Variants in CARF observed in about 807,000 individuals in gnomAD.
CARF encodes calcium responsive transcription factor.
Under a neutral mutation model 82.0 loss-of-function variants are expected in CARF, and 57 were observed. The observed-to-expected ratio is 0.70, with a 90% CI of 0.56 to 0.87. The LOEUF (loss-of-function observed/expected upper bound fraction) is 0.87. CARF is among the 40% of genes least tolerant of loss of function. CARF has a pLI of 0.00. For missense variants in CARF, 771 were observed against 855.8 expected, an observed-to-expected ratio of 0.90 and a Z score of 1.24; for synonymous variants, 268 against 290.1, an observed-to-expected ratio of 0.92 and a Z score of 0.77.
intron 2 of CARF, among the ~76,000 whole-genome samples, chr2:202,922,088 C>T (rs76631649): frequency 6.6e-6 from 1 of 151,846 alleles, no homozygotes; most frequent in Non-Finnish European, 1.5e-5. Flanking sequence ...CTTGACTTCC[C>T]AAAGTGCTAA....
chr2:202,942,596 T>C, intron 4 of CARF, 144 bp from the exon 5 acceptor site: 1 of 1,002,564 alleles, frequency 1.0e-6, no homozygotes, highest in Non-Finnish European at 1.4e-6. Flanking sequence ...AGAAATACTT[T>C]CTGTGTATAG....
chr2:202,968,353 G>A (rs1333714736), intron 10 of CARF, among the ~76,000 whole-genome samples: 1 of 152,112 alleles, frequency 6.6e-6, no homozygotes, highest in African/African-American at 2.4e-5. Flanking sequence ...AGTGAGCCGA[G>A]ACTGCGCCAC....
intron 7 of CARF, among the ~76,000 whole-genome samples, chr2:202,954,457 G>A (rs966010345): frequency 3.3e-5 from 5 of 152,102 alleles, no homozygotes; most frequent in African/African-American, 1.2e-4. Context: ...GCTCACTCCT[G>A]TAATCCCAGC....
At chr2:202,943,207 G>C (rs1297905654) in intron 5 of CARF, among the ~76,000 whole-genome samples, 1 of 152,092 alleles carries the variant, frequency 6.6e-6, no homozygotes, top group Admixed American at 6.6e-5. Context: ...AAGTAGCTGG[G>C]ATTACAGGTG....
chr2:202,958,061 A>G (rs2059132785), intron 8 of CARF, among the ~76,000 whole-genome samples: 1 of 152,222 alleles, frequency 6.6e-6, no homozygotes, highest in South Asian at 2.1e-4. Flanking sequence ...CATAGATGGT[A>G]GTGAATATTT....
chr2:202,969,694 A>C (rs1197966193), intron 10 of CARF, among the ~76,000 whole-genome samples: 1 of 152,116 alleles, frequency 6.6e-6, no homozygotes. Context: ...AAAAATAGTA[A>C]AATCTGTAAG....
At chr2:202,976,796 G>A (rs1200989583) in intron 13 of CARF, among the ~76,000 whole-genome samples, 1 of 143,850 alleles carries the variant, frequency 7.0e-6, no homozygotes, top group Non-Finnish European at 1.5e-5. Context: ...CTGCAGCCAC[G>A]ACCTCCAAGA....
intron 4 of CARF, 24 bp downstream of exon 4, chr2:202,942,004 T>G: frequency 6.3e-7 from 1 of 1,585,934 alleles, no homozygotes. Flanking sequence ...TGGGAACCTT[T>G]TTCCATCCTA....
Position 202,985,568 on chromosome 2 carries a change from G to T in CARF, c.*1944G>T, listed in dbSNP as rs1471401317. 3.3e-5 allele frequency: 5 copies of T among 152,096 alleles called. No individual in the cohort carries two copies. The highest frequency in any genetic ancestry group is 1.2e-4 in the African/African-American group (5 of 41,420). 9.4% of individuals were successfully genotyped at this position (152,096 alleles called of 1,614,324 possible). Reference sequence around the variant, plus strand: ...GCCAAATTTAATTATGTTACACTAAGTTAAACACAGCACTTAATTACCTCA... The same window carrying T: ...GCCAAATTTAATTATGTTACACTAATTTAAACACAGCACTTAATTACCTCA... On this transcript the variant is annotated 3_prime_UTR_variant, in exon 17 of 17. Coordinates refer to ENST00000438828, the MANE Select transcript of CARF (RefSeq NM_024744.17).
intron 12 of CARF, among the ~76,000 whole-genome samples, chr2:202,973,040 A>G (rs2059869778): frequency 6.6e-6 from 1 of 152,170 alleles, no homozygotes; most frequent in African/African-American, 2.4e-5. Context: ...ATGGGATTGC[A>G]GAAGCAAGCC....
Position 202,984,254 on chromosome 2 carries a change from C to T in CARF, c.*630C>T, listed in dbSNP as rs1387624010. 1.3e-5 allele frequency: 2 copies of T among 152,172 alleles called. No homozygotes were observed. Among genetic ancestry groups the T allele is most frequent in the Admixed American group, 6.6e-5 (1 of 15,264 alleles). The allele number at this position is 152,172 out of a possible 1,614,324, so 9.4% of individuals were successfully genotyped here. A position where few individuals can be genotyped will look rare whatever the true frequency, so the allele number is the denominator to read the frequency against. On this transcript the variant is annotated 3_prime_UTR_variant, in exon 17 of 17. Coordinates refer to ENST00000438828, the MANE Select transcript of CARF (RefSeq NM_024744.17). ...CAATTTTTGTACTTTTAACTACAAA[C>T]CAGTAGTATACTAATGGTTATCTAA...
At chr2:202,973,624 G>A (rs1410228170) in intron 12 of CARF, 2 of 313,406 alleles carry the variant, frequency 6.4e-6, no homozygotes, top group African/African-American at 2.2e-5. Context: ...CACTTCTACA[G>A]TCCTTAGTTC....
chr2:202,934,311 G>A (rs1467618874), intron 3 of CARF, among the ~76,000 whole-genome samples: 1 of 152,156 alleles, frequency 6.6e-6, no homozygotes, highest in Non-Finnish European at 1.5e-5. Flanking sequence ...TGTTTGGAAT[G>A]AATTTTAAAT....
chr2:202,946,397 G>A (rs1029582224), intron 5 of CARF, among the ~76,000 whole-genome samples: 1 of 152,204 alleles, frequency 6.6e-6, no homozygotes, highest in African/African-American at 2.4e-5. Flanking sequence ...AAGAAATGGG[G>A]AAAGGATTCT....
intron 3 of CARF, among the ~76,000 whole-genome samples, chr2:202,927,154 T>C (rs142176058): frequency 1.3e-5 from 2 of 152,258 alleles, no homozygotes; most frequent in Non-Finnish European, 2.9e-5. Context: ...TGGAGGCCTG[T>C]CCTTCCCTTT....
chr2:202,950,274 A>G (rs2105837561), intron 5 of CARF, among the ~76,000 whole-genome samples: 1 of 152,290 alleles, frequency 6.6e-6, no homozygotes, highest in East Asian at 1.9e-4. Flanking sequence ...AATTAAGAGG[A>G]TATTCCACAG....
chr2:202,977,198 C>A, intron 13 of CARF, 71 bp from the exon 14 acceptor site: 2 of 1,095,944 alleles, frequency 1.8e-6, no homozygotes, highest in South Asian at 1.4e-5. Context: ...ATATGACAGT[C>A]GTAATGACGT....
chr2:202,926,266 T>C (rs1691805968), intron 3 of CARF, among the ~76,000 whole-genome samples: 1 of 152,178 alleles, frequency 6.6e-6, no homozygotes, highest in South Asian at 2.1e-4. Flanking sequence ...CGACCGCCTC[T>C]TTTTCATGCT....
chr2:202,960,656 G>C (rs2059269693), intron 8 of CARF, among the ~76,000 whole-genome samples: 1 of 151,996 alleles, frequency 6.6e-6, no homozygotes, highest in Non-Finnish European at 1.5e-5. Flanking sequence ...CAGATGCATG[G>C]CATCCTATCA....
Sources: allele counts gnomAD v4.1 joint callset (sites outside exome capture counted in the v4.1 genomes callset), GRCh38; gene constraint gnomAD v4.1.1; transcripts MANE v1.5; gene names NCBI Gene and HGNC (gene_info 2026-07-23, HGNC 2026-07-21).